ANKRD13B: variants seen among roughly 807,000 people sequenced by gnomAD.
ANKRD13B encodes the protein ankyrin repeat domain 13B.
In ANKRD13B, 33 loss-of-function variants were observed where a neutral mutation model predicts 74.4. That is an observed-to-expected ratio of 0.44 (90% CI 0.34 to 0.59). The LOEUF is 0.59. Ranked by LOEUF, ANKRD13B falls within the 20% of genes least tolerant of loss-of-function variation. The pLI is 0.02. For synonymous variants in ANKRD13B, 341 were observed against 362.9 expected (o/e 0.94, Z 0.68); for missense variants, 676 against 877.9 (o/e 0.77, Z 2.91).
chr17:29,610,711 C>T lies in ANKRD13B; in HGVS notation c.849C>T (p.Leu283=), dbSNP rs367990384. 11 of 1,613,900 alleles carry T rather than the reference C, an allele frequency of 6.8e-6. No homozygotes were observed. In the African/African-American group the frequency reaches 1.2e-4, roughly 18 times the overall value. ...TGTATGGGGCATCTAACGTGGAGCTCATCACCCGCACACGGACAGAACATC... is the reference window on the plus strand; with the variant it reads ...TGTATGGGGCATCTAACGTGGAGCTTATCACCCGCACACGGACAGAACATC... The part of the protein sequence containing the change: ...AKVYGASNVE[L]ITRTRTEHLS... The change falls in exon 8 of 15, where the codon CTC becomes CTT. Residue 283 remains leucine (L), a synonymous_variant. Coordinates refer to ENST00000394859, the MANE Select transcript of ANKRD13B (RefSeq NM_152345.5).
chr17:29,608,743 T>C lies in ANKRD13B; in HGVS notation c.422-108T>C. 2 of 1,444,882 alleles carry C rather than the reference T, an allele frequency of 1.4e-6. No individual in the cohort carries two copies. Among genetic ancestry groups the C allele is most frequent in the Non-Finnish European group, 1.9e-6 (2 of 1,064,972 alleles). The allele number at this position is 1,444,882 out of a possible 1,614,324, so 89.5% of individuals were successfully genotyped here. A position where few individuals can be genotyped will look rare whatever the true frequency, so the allele number is the denominator to read the frequency against. ...GAGGAGAGGCTGCTCTCTCTTCAGTTCCCTCCCCTGTTCCTGGCCACACGG... is the reference window on the plus strand; with the variant it reads ...GAGGAGAGGCTGCTCTCTCTTCAGTCCCCTCCCCTGTTCCTGGCCACACGG... On this transcript the variant is annotated intron_variant, in intron 4 of 14. Transcript: ENST00000394859. This position sits in a 1 kb window ranked among gnomAD's most constrained non-coding sequence, Gnocchi z 6.4.
Position 29,612,834 on chromosome 17 carries a change from G to C in ANKRD13B, c.1575+19G>C. ...TGACCAGGTGCGTCTCCGCGGGCGC[G>C]CGGGGCCACGGGACTCCGCGCCGCC... is the stretch of plus-strand genomic sequence containing the variant. On this transcript the variant is annotated intron_variant, in intron 13 of 14. Transcript: ENST00000394859. The surrounding 1 kb of genome is among the most constrained non-coding windows in gnomAD (Gnocchi z 6.1). The C allele has an allele frequency of 3.1e-6, 5 of 1,600,048 alleles. No individual in the cohort carries two copies. The highest frequency in any genetic ancestry group is 4.2e-6 in the Non-Finnish European group (5 of 1,178,288).
chr17:29,602,621 G>C (rs1210572139), intron 1 of ANKRD13B, among the ~76,000 whole-genome samples: 1 of 152,082 alleles, frequency 6.6e-6, no homozygotes, highest in Non-Finnish European at 1.5e-5. Flanking sequence ...GTCTTAGAAA[G>C]ACACCTGTCA....
intron 1 of ANKRD13B, among the ~76,000 whole-genome samples, chr17:29,596,008 C>G (rs2033940304): frequency 6.6e-6 from 1 of 152,192 alleles, no homozygotes; most frequent in Non-Finnish European, 1.5e-5. Flanking sequence ...CACTGTGGAA[C>G]CCTGGCATCC....
chr17:29,600,379 G>A (rs190336666), intron 1 of ANKRD13B, among the ~76,000 whole-genome samples: 1 of 152,246 alleles, frequency 6.6e-6, no homozygotes, highest in African/African-American at 2.4e-5. Context: ...AGGTCTTTGG[G>A]ACAACTTCCT....
At position 29,612,682 on chromosome 17, in the gene ANKRD13B, C is replaced by T. The variant is rs1319635525; in HGVS notation, c.1442C>T (p.Ala481Val). The change falls in exon 13 of 15, where the codon GCG (alanine) becomes GTG (valine). Residue 481 changes from alanine to valine, a missense_variant. Around this residue, in one of 4 missense-constraint regions of ANKRD13B, gnomAD observed 152 missense variants for 181.4 expected, o/e 0.84. Transcript: ENST00000394859. The surrounding 1 kb of genome is among the most constrained non-coding windows in gnomAD (Gnocchi z 6.1). ...TSCRGCEISP[A>V]LFEAPRGYSM... is the part of the protein sequence containing the mutation. ...TGCCGCGGCTGCGAGATCTCCCCAG[C>T]GTTGTTCGAGGCCCCGCGCGGCTAC... 1.3e-6 allele frequency: 2 copies of T among 1,587,424 alleles called. No homozygotes were observed. Among genetic ancestry groups the T allele is most frequent in the Non-Finnish European group, 8.5e-7 (1 of 1,173,012 alleles).
At chr17:29,603,089 T>C (rs1598605191) in intron 1 of ANKRD13B, among the ~76,000 whole-genome samples, 1 of 152,254 alleles carries the variant, frequency 6.6e-6, no homozygotes. Context: ...GATGTTGTGA[T>C]CCACCCGCCT....
chr17:29,608,191 C>T lies in ANKRD13B; in HGVS notation c.376-4C>T. On this transcript the variant is annotated splice_region_variant and splice_polypyrimidine_tract_variant and intron_variant, in intron 3 of 14. Coordinates refer to ENST00000394859, the MANE Select transcript of ANKRD13B (RefSeq NM_152345.5). The surrounding 1 kb of genome is among the most constrained non-coding windows in gnomAD (Gnocchi z 6.4). ...ACTTAGCCTCTCTCCCCTTCGTCCTCCAGGCCCAGGACTTCTACGTGGAGA... is the reference window on the plus strand; with the variant it reads ...ACTTAGCCTCTCTCCCCTTCGTCCTTCAGGCCCAGGACTTCTACGTGGAGA... 1.2e-6 allele frequency: 2 copies of T among 1,614,194 alleles called. No homozygotes were observed. The highest frequency in any genetic ancestry group is 1.7e-6 in the Non-Finnish European group (2 of 1,180,028).
Position 29,609,136 on chromosome 17 carries a change from A to T in ANKRD13B, c.616A>T (p.Thr206Ser). 6.2e-7 allele frequency: 1 copy of T among 1,612,370 alleles called. No homozygotes were observed. The highest frequency in any genetic ancestry group is 8.5e-7 in the Non-Finnish European group (1 of 1,180,018). Residue 206 changes from threonine (T) to serine (S), a missense_variant, in exon 6 of 15, where the codon ACA becomes TCA. Transcript: ENST00000394859. The surrounding 1 kb of genome is among the most constrained non-coding windows in gnomAD (Gnocchi z 4.0). Reference protein sequence around the residue: ...EIDHDRRVVYTETLALAGQDR... With the variant: ...EIDHDRRVVYSETLALAGQDR... ...TGACCACGACCGCCGGGTGGTGTAC[A>T]CAGAGACTCTGGCACTGGCTGGGCA... is the stretch of plus-strand genomic sequence containing the variant.
In ANKRD13B at chr17:29,593,474, G is replaced by C. The variant is rs2033837782; in HGVS notation, c.-148G>C. On this transcript the variant is annotated 5_prime_UTR_variant, in exon 1 of 15. Transcript: ENST00000394859. ...CCGCCCGCACCGCGCCGGGCGCGCCGCCCCCGCCCGCCGCCGCTCGCACAT... is the reference window on the plus strand; with the variant it reads ...CCGCCCGCACCGCGCCGGGCGCGCCCCCCCCGCCCGCCGCCGCTCGCACAT... 1 of 177,224 alleles carries C rather than the reference G, an allele frequency of 5.6e-6. No individual in the cohort carries two copies. The highest frequency in any genetic ancestry group is 1.1e-5 in the Non-Finnish European group (1 of 95,130). The allele number at this position is 177,224 out of a possible 1,614,324, so 11.0% of individuals were successfully genotyped here. A position where few individuals can be genotyped will look rare whatever the true frequency, so the allele number is the denominator to read the frequency against.
chr17:29,613,693 C>T lies in ANKRD13B; in HGVS notation c.*111C>T. On this transcript the variant is annotated 3_prime_UTR_variant, in exon 15 of 15. Transcript: ENST00000394859. ...AGCGGCGGCTGGAGACTGGAGCCAC[C>T]GCCTCGCGGGTGCAGCAGCACAGCA... 2 of 1,363,198 alleles carry T rather than the reference C, an allele frequency of 1.5e-6. No individual in the cohort carries two copies. The highest frequency in any genetic ancestry group is 1.9e-6 in the Non-Finnish European group (2 of 1,060,232). 84.4% of individuals were successfully genotyped at this position (1,363,198 alleles called of 1,614,324 possible). A position where few individuals can be genotyped will look rare whatever the true frequency, so the allele number is the denominator to read the frequency against.
rs1192175254 is a variant in ANKRD13B, at chr17:29,593,280, C to G, written c.-342C>G. On this transcript the variant is annotated 5_prime_UTR_variant, in exon 1 of 15. Transcript: ENST00000394859. ...CCCGCGTCCCGTGCGCCCCCGCGCC[C>G]GCTGCGGGCGCCTGCTCCCTCCGCC... 1.3e-5 allele frequency among the ~76,000 whole-genome samples: 2 copies of G among 148,668 alleles called. No homozygotes were observed. Among genetic ancestry groups the G allele is most frequent in the Admixed American group, 6.7e-5 (1 of 14,984 alleles).
chr17:29,610,618 G>A (rs2034548534), intron 7 of ANKRD13B, 67 bp from the exon 8 acceptor site: 1 of 1,476,438 alleles, frequency 6.8e-7, no homozygotes. Context: ...TGTTCCCAGT[G>A]CCCTTAGGGG....
chr17:29,613,293 C>T, intron 14 of ANKRD13B, 61 bp from the exon 15 acceptor site: 1 of 1,384,692 alleles, frequency 7.2e-7, no homozygotes, highest in Non-Finnish European at 9.3e-7. Flanking sequence ...ACGCCGTGTC[C>T]CGGCCCCGGC....
At position 29,608,748 on chromosome 17, in the gene ANKRD13B, C is replaced by T; in HGVS notation, c.422-103C>T. Reference sequence around the variant, plus strand: ...GAGGCTGCTCTCTCTTCAGTTCCCTCCCCTGTTCCTGGCCACACGGATCCC... The same window carrying T: ...GAGGCTGCTCTCTCTTCAGTTCCCTTCCCTGTTCCTGGCCACACGGATCCC... On this transcript the variant is annotated intron_variant, in intron 4 of 14. Transcript: ENST00000394859. This position sits in a 1 kb window ranked among gnomAD's most constrained non-coding sequence, Gnocchi z 6.4. The T allele has an allele frequency of 6.8e-7, 1 of 1,475,422 alleles. No individual in the cohort carries two copies. Among genetic ancestry groups the T allele is most frequent in the Non-Finnish European group, 9.2e-7 (1 of 1,087,268 alleles). The allele number at this position is 1,475,422 out of a possible 1,614,324, so 91.4% of individuals were successfully genotyped here.
At chr17:29,607,720 T>C in intron 1 of ANKRD13B, 22 bp from the exon 2 acceptor site, 2 of 1,589,524 alleles carry the variant, frequency 1.3e-6, no homozygotes, top group Non-Finnish European at 1.7e-6. Context: ...GGCTTTATCT[T>C]CCACTCCTCC....
intron 1 of ANKRD13B, among the ~76,000 whole-genome samples, chr17:29,595,080 C>G (rs780580404): frequency 2.0e-5 from 3 of 152,220 alleles, no homozygotes; most frequent in Non-Finnish European, 4.4e-5. Flanking sequence ...AGTTTCTCCT[C>G]AGACTGAACT....
intron 1 of ANKRD13B, among the ~76,000 whole-genome samples, chr17:29,602,739 G>A (rs1054701814): frequency 6.6e-6 from 1 of 152,230 alleles, no homozygotes; most frequent in African/African-American, 2.4e-5. Flanking sequence ...TTCATAGGCT[G>A]TGAGGGTCAG....
Position 29,613,344 on chromosome 17 carries a change from C to G in ANKRD13B, c.1653-10C>G. 1 of 1,428,858 alleles carries G rather than the reference C, an allele frequency of 7.0e-7. No homozygotes were observed. The highest frequency in any genetic ancestry group is 2.9e-5 in the East Asian group (1 of 34,048). The allele number at this position is 1,428,858 out of a possible 1,614,324, so 88.5% of individuals were successfully genotyped here. A position where few individuals can be genotyped will look rare whatever the true frequency, so the allele number is the denominator to read the frequency against. ...CCCGGGAGCCCGCGACATTCCTTCC[C>G]CACCCCCAGGAGCGCCCCGCCCACG... On this transcript the variant is annotated splice_polypyrimidine_tract_variant and intron_variant, in intron 14 of 14. Coordinates refer to ENST00000394859, the MANE Select transcript of ANKRD13B (RefSeq NM_152345.5).
Sources: gnomAD v4.1 joint callset for allele counts (sites outside exome capture counted in the v4.1 genomes callset) on GRCh38, gnomAD v4.1.1 for gene constraint, gnomAD v4.1.1 regional missense constraint, Gnocchi (gnomAD v3.1) non-coding constraint, MANE v1.5 for transcripts, NCBI Gene and HGNC (gene_info 2026-07-23, HGNC 2026-07-21) for gene names.